The following SNTG1 variants were observed in gnomAD, a reference collection of about 807,000 sequenced individuals.
SNTG1 encodes the protein syntrophin gamma 1.
A neutral mutation model predicts 74.7 loss-of-function variants in SNTG1; 39 were observed. The observed-to-expected ratio is 0.52, with a 90% CI of 0.40 to 0.68. The LOEUF is 0.68. Among genes scored for constraint, SNTG1 ranks in the 30% least tolerant of loss-of-function variants. SNTG1 has a pLI of 0.00. For synonymous variants in SNTG1, 254 were observed against 217.1 expected, an observed-to-expected ratio of 1.17 and a Z score of -1.49; for missense variants, 685 against 609.5, an observed-to-expected ratio of 1.12 and a Z score of -1.30.
intron 13 of SNTG1, among the ~76,000 whole-genome samples, chr8:50,616,296 C>T (rs1047835554): frequency 3.9e-5 from 6 of 152,190 alleles, no homozygotes; most frequent in South Asian, 2.1e-4. Context: ...AAATGAGATT[C>T]GGGCTTCTAA....
At chr8:50,205,487 G>C (rs941843664) in intron 2 of SNTG1, among the ~76,000 whole-genome samples, 2 of 152,062 alleles carry the variant, frequency 1.3e-5, no homozygotes, top group East Asian at 3.9e-4. Context: ...TTGTCAGATG[G>C]GTAGATTGCA....
intron 1 of SNTG1, among the ~76,000 whole-genome samples, chr8:50,121,150 T>A (rs2080986816): frequency 1.4e-5 from 2 of 142,742 alleles, no homozygotes; most frequent in Admixed American, 1.4e-4. Flanking sequence ...AAGACCATTA[T>A]TTTTTATACG....
At chr8:50,158,497 A>G (rs1204236004) in intron 1 of SNTG1, among the ~76,000 whole-genome samples, 1 of 152,198 alleles carries the variant, frequency 6.6e-6, no homozygotes, top group Non-Finnish European at 1.5e-5. Context: ...TATTTAGAAT[A>G]ACAGGGTAAT....
chr8:49,940,177 GC>G (rs1322089774), intron 1 of SNTG1, among the ~76,000 whole-genome samples: 1 of 152,132 alleles, frequency 6.6e-6, no homozygotes, highest in Non-Finnish European at 1.5e-5. Context: ...CAAACCAAAT[GC>G]CCTGAAAGAC....
At chr8:50,222,906 C>G (rs1358897628) in intron 2 of SNTG1, among the ~76,000 whole-genome samples, 1 of 152,238 alleles carries the variant, frequency 6.6e-6, no homozygotes, top group South Asian at 2.1e-4. Flanking sequence ...TTCAAATGCA[C>G]TCTTCAACCC....
At chr8:50,517,193 C>T (rs1269697644) in intron 9 of SNTG1, among the ~76,000 whole-genome samples, 1 of 152,130 alleles carries the variant, frequency 6.6e-6, no homozygotes, top group Non-Finnish European at 1.5e-5. Flanking sequence ...TCCAGCCAAA[C>T]TAAGCTCCAT....
In SNTG1 at chr8:50,794,157, C is replaced by T. The variant is rs2095699111; in HGVS notation, c.*1328C>T. ...AAATTTTTATTGATACACATGCTCC[C>T]AGGTAAACCAAGTATTATGTGTGTC... On this transcript the variant is annotated 3_prime_UTR_variant, in exon 19 of 19. Coordinates refer to ENST00000642720, the MANE Select transcript of SNTG1 (RefSeq NM_018967.5). 2 of 151,314 alleles carry T rather than the reference C, an allele frequency of 1.3e-5. No individual in the cohort carries two copies. Among genetic ancestry groups the T allele is most frequent in the Admixed American group, 1.3e-4 (2 of 15,164 alleles). 9.4% of individuals were successfully genotyped at this position (151,314 alleles called of 1,614,324 possible).
At chr8:50,084,426 C>T (rs1217328302) in intron 1 of SNTG1, among the ~76,000 whole-genome samples, 1 of 151,994 alleles carries the variant, frequency 6.6e-6, no homozygotes, top group Non-Finnish European at 1.5e-5. Flanking sequence ...CACCACTGCA[C>T]TCCAGCCTGG....
chr8:50,724,497 C>G (rs1056430104), intron 17 of SNTG1, among the ~76,000 whole-genome samples: 1 of 152,038 alleles, frequency 6.6e-6, no homozygotes, highest in African/African-American at 2.4e-5. Context: ...ATTATTTTGT[C>G]AAGCATTATT....
intron 1 of SNTG1, among the ~76,000 whole-genome samples, chr8:49,940,141 T>G (rs1362267276): frequency 6.6e-6 from 1 of 152,156 alleles, no homozygotes; most frequent in African/African-American, 2.4e-5. Context: ...AATTGCACAC[T>G]GAGTCCTTGA....
intron 1 of SNTG1, among the ~76,000 whole-genome samples, chr8:50,142,455 C>G (rs2131473591): frequency 6.8e-6 from 1 of 146,520 alleles, no homozygotes. Flanking sequence ...CTTTTTAACA[C>G]AAACCTGCAA....
intron 18 of SNTG1, among the ~76,000 whole-genome samples, chr8:50,783,008 C>T (rs947342281): frequency 6.6e-6 from 1 of 152,128 alleles, no homozygotes; most frequent in African/African-American, 2.4e-5. Context: ...GCGGTGGCTG[C>T]AGAAGAGCCG....
intron 18 of SNTG1, among the ~76,000 whole-genome samples, chr8:50,783,491 C>T (rs747426808): frequency 1.3e-5 from 2 of 152,198 alleles, no homozygotes; most frequent in Non-Finnish European, 2.9e-5. Context: ...GGGCATGGGA[C>T]CCTCCGAGCC....
chr8:50,481,672 T>C (rs1022405159), intron 8 of SNTG1, among the ~76,000 whole-genome samples: 2 of 152,204 alleles, frequency 1.3e-5, no homozygotes, highest in Non-Finnish European at 2.9e-5. Context: ...TGTCATGAAA[T>C]AAATCATATT....
intron 1 of SNTG1, among the ~76,000 whole-genome samples, chr8:50,116,350 A>C (rs1251175106): frequency 2.6e-5 from 4 of 152,178 alleles, no homozygotes; most frequent in African/African-American, 9.7e-5. Flanking sequence ...CAATTTCAGC[A>C]TAAAATTTGT....
intron 12 of SNTG1, among the ~76,000 whole-genome samples, chr8:50,567,894 T>C (rs1013004567): frequency 6.6e-6 from 1 of 152,092 alleles, no homozygotes; most frequent in African/African-American, 2.4e-5. Flanking sequence ...TGAGATACAC[T>C]TTACATTGTT....
intron 1 of SNTG1, among the ~76,000 whole-genome samples, chr8:50,094,154 G>C (rs957561969): frequency 6.6e-6 from 1 of 152,068 alleles, no homozygotes; most frequent in Admixed American, 6.6e-5. Flanking sequence ...AAGTAGATAA[G>C]TAGCACTGAG....
intron 2 of SNTG1, among the ~76,000 whole-genome samples, chr8:50,374,922 A>G (rs16914781): frequency 0.45 from 68,387 of 152,024 alleles, 15,820 homozygotes; most frequent in African/African-American, 0.54. Context: ...GAAGAAAGAA[A>G]GTCACAAACT....
intron 17 of SNTG1, among the ~76,000 whole-genome samples, chr8:50,742,954 C>T (rs1585688719): frequency 6.6e-6 from 1 of 151,820 alleles, no homozygotes; most frequent in East Asian, 1.9e-4. Context: ...GAAATATACA[C>T]ACTGCCAAAA....
Sources: gnomAD v4.1 joint callset for allele counts (sites outside exome capture counted in the v4.1 genomes callset) on GRCh38, gnomAD v4.1.1 for gene constraint, MANE v1.5 for transcripts, NCBI Gene and HGNC (gene_info 2026-07-23, HGNC 2026-07-21) for gene names.